PHRF1: variants seen among roughly 807,000 people sequenced by gnomAD.
PHRF1 encodes PHD and ring finger domains 1.
In PHRF1, 53 loss-of-function variants were observed where a neutral mutation model predicts 128.9. That is an observed-to-expected ratio of 0.41 (90% confidence interval 0.33 to 0.52). The LOEUF is 0.52. Ranked by LOEUF, PHRF1 falls within the 20% of genes least tolerant of loss-of-function variation. The pLI is 0.21. For missense variants in PHRF1, 2,503 were observed against 2,284.5 expected (o/e 1.10, Z -1.95); for synonymous variants, 1,178 against 980.6 (o/e 1.20, Z -3.76).
At chr11:589,134 CAAA>C (rs1226095605) in intron 4 of PHRF1, among the ~76,000 whole-genome samples, 1 of 125,008 alleles carries the variant, frequency 8.0e-6, no homozygotes, top group Non-Finnish European at 1.7e-5. Flanking sequence ...GACACTGTCT[CAAA>C]AAAAAAAAAA....
intron 4 of PHRF1, among the ~76,000 whole-genome samples, chr11:589,188 G>A (rs1487248776): frequency 2.0e-5 from 3 of 151,960 alleles, no homozygotes; most frequent in Non-Finnish European, 2.9e-5. Flanking sequence ...GCTGCTTAGC[G>A]AGATTATTGG....
intron 6 of PHRF1, among the ~76,000 whole-genome samples, chr11:593,437 G>T (rs889336124): frequency 6.6e-6 from 1 of 152,254 alleles, no homozygotes; most frequent in Non-Finnish European, 1.5e-5. Flanking sequence ...TGCCGCGGCT[G>T]GAGCCGCACC....
chr11:577,908 G>C (rs7113872), intron 1 of PHRF1, among the ~76,000 whole-genome samples: 12,464 of 152,246 alleles, frequency 0.082, 789 homozygotes, highest in African/African-American at 0.18. Flanking sequence ...CCAGTTTTTT[G>C]TTTTCCTCTT....
chr11:585,601 C>CTCTTCAACT (rs1564841216), intron 3 of PHRF1, among the ~76,000 whole-genome samples: 6 of 100,678 alleles, frequency 6.0e-5, no homozygotes, highest in Admixed American at 1.0e-4. Context: ...GAGGTAGTAG[C>CTCTTCAACT]CCTTTCCAGC....
Position 609,365 on chromosome 11 carries a change from C to G in PHRF1, c.3909C>G (p.Phe1303Leu), listed in dbSNP as rs202241158. 103 of 1,612,040 alleles carry G rather than the reference C, an allele frequency of 6.4e-5. No individual in the cohort carries two copies. In the African/African-American group the frequency reaches 9.7e-4, roughly 15 times the overall value. The stretch of plus-strand genomic sequence containing the variant: ...CAGACTCTTCCCCGGAGCGAGACTT[C>G]CCACTGAAGCCTGCGTTGCCCCCAG... ...ESTDSSPERD[F>L]PLKPALPPAS... The change falls in exon 14 of 18, where the codon TTC (phenylalanine) becomes TTG (leucine). Residue 1303 changes from phenylalanine to leucine, a missense_variant. Phe to Leu is a conservative substitution (Grantham distance 22). Transcript: ENST00000264555.
intron 3 of PHRF1, among the ~76,000 whole-genome samples, chr11:585,266 CTTG>C (rs2134197670): frequency 6.8e-6 from 1 of 146,022 alleles, no homozygotes; most frequent in Non-Finnish European, 1.5e-5. Flanking sequence ...CCCTTTCCAG[CTTG>C]AGGTAGTAGC....
chr11:597,380 G>C lies in PHRF1; in HGVS notation c.719-15G>C. 6.2e-7 allele frequency: 1 copy of C among 1,608,082 alleles called. No individual in the cohort carries two copies. The highest frequency in any genetic ancestry group is 8.5e-7 in the Non-Finnish European group (1 of 1,176,604). ...CCTGTGAGTGTGGCACATCAGCCCT[G>C]GTGGTTCTTCCCAGATGCGGGTCCC... On this transcript the variant is annotated splice_polypyrimidine_tract_variant and intron_variant, in intron 7 of 17. Transcript: ENST00000264555. The surrounding 1 kb of genome is among the most constrained non-coding windows in gnomAD (Gnocchi z 6.5).
chr11:610,832 T>A, intron 16 of PHRF1, 71 bp downstream of exon 16: 1 of 1,584,424 alleles, frequency 6.3e-7, no homozygotes, highest in Non-Finnish European at 8.6e-7. Context: ...TGGGGCTGAG[T>A]TTATGGGCGG....
At chr11:611,117 G>A (rs1402739312) in intron 17 of PHRF1, 35 bp downstream of exon 17, 4 of 1,604,690 alleles carry the variant, frequency 2.5e-6, no homozygotes, top group Non-Finnish European at 3.4e-6. Flanking sequence ...TGGGGCTCGG[G>A]GTCACGGGCG....
At position 606,619 on chromosome 11, in the gene PHRF1, C is replaced by T. The variant is rs575574006; in HGVS notation, c.1609+23C>T. The T allele has an allele frequency of 3.8e-6, 6 of 1,579,458 alleles. No individual in the cohort carries two copies. In the African/African-American group the frequency reaches 6.7e-5, roughly 18 times the overall value. On this transcript the variant is annotated intron_variant, in intron 13 of 17. Coordinates refer to ENST00000264555, the MANE Select transcript of PHRF1 (RefSeq NM_001286581.2). ...CGGGTGAGTGCCTTCCCTGCCACGGCCCCTTCCTCTGTGGGCTGCTGGTCC... is the reference window on the plus strand; with the variant it reads ...CGGGTGAGTGCCTTCCCTGCCACGGTCCCTTCCTCTGTGGGCTGCTGGTCC...
At chr11:598,763 G>T (rs1855457549) in intron 9 of PHRF1, among the ~76,000 whole-genome samples, 1 of 152,230 alleles carries the variant, frequency 6.6e-6, no homozygotes, top group African/African-American at 2.4e-5. Context: ...CTTTCTGGAA[G>T]GATTGCATCC....
At position 597,484 on chromosome 11, in the gene PHRF1, A is replaced by T. The variant is rs1373094930; in HGVS notation, c.808A>T (p.Thr270Ser). Residue 270 changes from threonine (T) to serine (S), a missense_variant, in exon 8 of 18, where the codon ACC (threonine) becomes TCC (serine). Coordinates refer to ENST00000264555, the MANE Select transcript of PHRF1 (RefSeq NM_001286581.2). The surrounding 1 kb of genome is among the most constrained non-coding windows in gnomAD (Gnocchi z 6.5). ...TSRLRPRAGRTRAIARTRQSE... is the reference protein window; with the variant it reads ...TSRLRPRAGRSRAIARTRQSE... ...CAGGCTTCGGCCTCGAGCAGGTAGGACCCGGGCGATAGCCAGGACACGGCA... is the reference window on the plus strand; with the variant it reads ...CAGGCTTCGGCCTCGAGCAGGTAGGTCCCGGGCGATAGCCAGGACACGGCA... The T allele has an allele frequency of 6.2e-7, 1 of 1,612,516 alleles. No homozygotes were observed. The highest frequency in any genetic ancestry group is 1.3e-5 in the African/African-American group (1 of 74,966).
intron 3 of PHRF1, among the ~76,000 whole-genome samples, chr11:582,942 G>A (rs1854295290): frequency 6.6e-6 from 1 of 151,788 alleles, no homozygotes; most frequent in Non-Finnish European, 1.5e-5. Flanking sequence ...GCTGAGGCAG[G>A]AGAATGGTGT....
chr11:593,120 C>G (rs1026476573), intron 6 of PHRF1, among the ~76,000 whole-genome samples: 1 of 152,212 alleles, frequency 6.6e-6, no homozygotes, highest in Non-Finnish European at 1.5e-5. Context: ...CCTGGCACAG[C>G]TGAGAGCGCC....
In PHRF1 at chr11:597,282, G is replaced by A; in HGVS notation, c.719-113G>A. ...CTCCATGAGCAGCCCTGGGTCCTGT[G>A]CACAGGTCAGCCCGAGCCAGGGCTG... On this transcript the variant is annotated intron_variant, in intron 7 of 17. Coordinates refer to ENST00000264555, the MANE Select transcript of PHRF1 (RefSeq NM_001286581.2). The surrounding 1 kb of genome is among the most constrained non-coding windows in gnomAD (Gnocchi z 6.5). The A allele has an allele frequency of 7.4e-7, 1 of 1,346,780 alleles. No individual in the cohort carries two copies. Among genetic ancestry groups the A allele is most frequent in the Non-Finnish European group, 1.0e-6 (1 of 989,512 alleles). 83.4% of individuals were successfully genotyped at this position (1,346,780 alleles called of 1,614,324 possible). A position where few individuals can be genotyped will look rare whatever the true frequency, so the allele number is the denominator to read the frequency against.
At chr11:578,653 A>C (rs1363182447) in intron 1 of PHRF1, among the ~76,000 whole-genome samples, 4 of 151,924 alleles carry the variant, frequency 2.6e-5, no homozygotes, top group African/African-American at 9.7e-5. Context: ...GCAGCCTCGA[A>C]CTCCTGAGCT....
Position 609,820 on chromosome 11 carries a change from C to G in PHRF1, c.4264+100C>G, listed in dbSNP as rs887704956. 46 of 764,188 alleles carry G rather than the reference C, an allele frequency of 6.0e-5. No homozygotes were observed. In the East Asian group the frequency reaches 1.2e-3, roughly 21 times the overall value. The allele number at this position is 764,188 out of a possible 1,614,324, so 47.3% of individuals were successfully genotyped here. A position where few individuals can be genotyped will look rare whatever the true frequency, so the allele number is the denominator to read the frequency against. ...CCCCCCGTGAGTAAGGCCCCGGCCTCCACCGAGGACAGAGCCCCCCGTGAG... is the reference window on the plus strand; with the variant it reads ...CCCCCCGTGAGTAAGGCCCCGGCCTGCACCGAGGACAGAGCCCCCCGTGAG... On this transcript the variant is annotated intron_variant, in intron 14 of 17. Transcript: ENST00000264555.
chr11:603,538 T>A (rs539321765), intron 10 of PHRF1, among the ~76,000 whole-genome samples: 20 of 152,090 alleles, frequency 1.3e-4, no homozygotes, highest in African/African-American at 4.8e-4. Context: ...TCTCACTGCG[T>A]TCCCCAAGCT....
Position 598,521 on chromosome 11 carries a change from A to G in PHRF1, c.1024+19A>G. ...AAGACAAGTAAGCCTGAAGGGATGG[A>G]CTCTCCCGCCAGCCACAGGCTGGGA... On this transcript the variant is annotated intron_variant, in intron 9 of 17. Coordinates refer to ENST00000264555, the MANE Select transcript of PHRF1 (RefSeq NM_001286581.2). The G allele has an allele frequency of 6.3e-7, 1 of 1,597,382 alleles. No homozygotes were observed. The highest frequency in any genetic ancestry group is 1.7e-5 in the Admixed American group (1 of 58,724).
Sources: gnomAD v4.1 joint callset for allele counts (sites outside exome capture counted in the v4.1 genomes callset) on GRCh38, gnomAD v4.1.1 for gene constraint, Gnocchi (gnomAD v3.1) non-coding constraint, MANE v1.5 for transcripts, NCBI Gene and HGNC (gene_info 2026-07-23, HGNC 2026-07-21) for gene names.